The following APP variants were observed in gnomAD, a reference collection of about 807,000 sequenced individuals.
The protein encoded by APP is amyloid-beta precursor protein.
In APP, 31 loss-of-function variants were observed where a neutral mutation model predicts 101.4. That is an observed-to-expected ratio of 0.31 (90% confidence interval 0.23 to 0.41). APP has a LOEUF of 0.41. Among genes scored for constraint, APP ranks in the 10% least tolerant of loss-of-function variants. The probability of loss-of-function intolerance (pLI) is 1.00; values close to 1 mark genes in which losing one functional copy is unlikely to be tolerated. For synonymous variants in APP, 366 were observed against 364.4 expected (o/e 1.00, Z -0.05); for missense variants, 839 against 1,003.7 (o/e 0.84, Z 2.22).
chr21:26,105,479 T>C (rs1411364905), intron 2 of APP, among the ~76,000 whole-genome samples: 1 of 151,966 alleles, frequency 6.6e-6, no homozygotes, highest in Non-Finnish European at 1.5e-5. Flanking sequence ...TTGCCGTTCC[T>C]AGCAATGAAT....
chr21:25,965,565 T>A (rs1421230706), intron 11 of APP, among the ~76,000 whole-genome samples: 1 of 152,236 alleles, frequency 6.6e-6, no homozygotes, highest in Non-Finnish European at 1.5e-5. Context: ...AACATTTATA[T>A]AAGGAAACTC....
chr21:26,105,001 G>A (rs1416625363), intron 2 of APP, among the ~76,000 whole-genome samples: 3 of 137,410 alleles, frequency 2.2e-5, no homozygotes, highest in African/African-American at 8.3e-5. Context: ...CCACTATTGG[G>A]AGAAAAAAAA....
At chr21:25,973,487 A>G (rs1050426687) in intron 11 of APP, among the ~76,000 whole-genome samples, 11 of 152,256 alleles carry the variant, frequency 7.2e-5, no homozygotes. Context: ...AGATCATTTC[A>G]TAAGAAGAGG....
intron 8 of APP, among the ~76,000 whole-genome samples, chr21:25,991,885 T>G (rs1002726087): frequency 2.0e-5 from 3 of 152,208 alleles, no homozygotes; most frequent in Non-Finnish European, 4.4e-5. Flanking sequence ...TACCCTCTTT[T>G]GGCAAATAGC....
chr21:25,966,436 T>C (rs374305985), intron 11 of APP, among the ~76,000 whole-genome samples: 6 of 152,220 alleles, frequency 3.9e-5, no homozygotes, highest in Non-Finnish European at 8.8e-5. Context: ...AATTATTTAC[T>C]TTTCTGAAAG....
intron 3 of APP, among the ~76,000 whole-genome samples, chr21:26,060,089 C>T (rs578195202): frequency 2.7e-4 from 41 of 152,224 alleles, no homozygotes; most frequent in Non-Finnish European, 2.4e-4. Flanking sequence ...CAGTATCTAT[C>T]TCATCAACCA....
intron 1 of APP, among the ~76,000 whole-genome samples, chr21:26,157,139 G>A (rs994868348): frequency 5.9e-5 from 9 of 151,778 alleles, no homozygotes; most frequent in African/African-American, 1.9e-4. Flanking sequence ...GTATGATCTC[G>A]GCTCACTGCA....
intron 13 of APP, among the ~76,000 whole-genome samples, chr21:25,925,362 G>A (rs1024774878): frequency 1.3e-5 from 2 of 152,170 alleles, no homozygotes; most frequent in Non-Finnish European, 1.5e-5. Flanking sequence ...CCGCAAAATC[G>A]TGGGAGGCTG....
intron 3 of APP, among the ~76,000 whole-genome samples, chr21:26,062,469 C>G (rs983324855): frequency 1.3e-5 from 2 of 151,874 alleles, no homozygotes; most frequent in Admixed American, 1.3e-4. Context: ...TCGAGACCAG[C>G]CTGGCTAACA....
intron 5 of APP, 51 bp from the exon 6 acceptor site, chr21:26,022,093 G>A (rs143458527): frequency 6.3e-7 from 1 of 1,597,858 alleles, no homozygotes; most frequent in East Asian, 2.2e-5. Flanking sequence ...CACATTTCAG[G>A]GAAGGAAAAG....
intron 3 of APP, among the ~76,000 whole-genome samples, chr21:26,062,230 A>AACACACACAC (rs55971567): frequency 2.7e-4 from 39 of 145,148 alleles, no homozygotes; most frequent in South Asian, 6.8e-4. Flanking sequence ...CAAACAAACA[A>AACACACACAC]ACACACACAC....
chr21:26,019,586 G>A (rs937337651), intron 6 of APP, among the ~76,000 whole-genome samples: 1 of 152,202 alleles, frequency 6.6e-6, no homozygotes, highest in African/African-American at 2.4e-5. Flanking sequence ...TGGTCTGTGT[G>A]TGCTCATCAT....
intron 8 of APP, among the ~76,000 whole-genome samples, chr21:25,982,929 C>G (rs1433621062): frequency 8.8e-5 from 1 of 11,366 alleles, no homozygotes; most frequent in African/African-American, 3.8e-4. Flanking sequence ...ATAACGGCAC[C>G]CCAGGGAAAA....
At chr21:26,040,588 T>A (rs527378004) in intron 5 of APP, among the ~76,000 whole-genome samples, 1 of 136,294 alleles carries the variant, frequency 7.3e-6, no homozygotes, top group Admixed American at 7.7e-5. Flanking sequence ...GGCAACAGAG[T>A]GAGACTCCGT....
chr21:25,952,440 G>C (rs1342151305), intron 13 of APP, among the ~76,000 whole-genome samples: 1 of 150,454 alleles, frequency 6.6e-6, no homozygotes, highest in African/African-American at 2.4e-5. Flanking sequence ...TATCCTCCCT[G>C]GTACTGAGAT....
Position 26,092,849 on chromosome 21 carries a change from A to G in APP, c.226-2777T>C, listed in dbSNP as rs1368102544. 2.0e-5 allele frequency among the ~76,000 whole-genome samples: 3 copies of G among 152,308 alleles called. 1 individual carries two copies. The highest frequency in any genetic ancestry group is 4.1e-4 in the South Asian group (2 of 4,826). On this transcript the variant is annotated intron_variant, in intron 2 of 17. Coordinates refer to ENST00000346798, the MANE Select transcript of APP (RefSeq NM_000484.4). ...TGTGAATCTAAAACTGCTCTAAAAA[A>G]CCGTCTATTTTAAAAACAAAAATTT...
intron 13 of APP, among the ~76,000 whole-genome samples, chr21:25,918,199 A>T (rs2146342566): frequency 6.6e-6 from 1 of 152,372 alleles, no homozygotes; most frequent in East Asian, 1.9e-4. Flanking sequence ...AAGGATTATA[A>T]ATCATTCTAC....
chr21:26,164,901 G>T (rs932771997), intron 1 of APP, among the ~76,000 whole-genome samples: 4 of 136,016 alleles, frequency 2.9e-5, no homozygotes, highest in African/African-American at 8.0e-5. Flanking sequence ...TGGAAAAAAA[G>T]AAAAAAAAAA....
intron 13 of APP, among the ~76,000 whole-genome samples, chr21:25,929,326 A>C (rs1174127344): frequency 5.9e-5 from 9 of 152,232 alleles, no homozygotes; most frequent in African/African-American, 2.2e-4. Flanking sequence ...CATGCCAAAA[A>C]TGTAGAAAAA....
Sources: gnomAD v4.1 joint callset for allele counts (sites outside exome capture counted in the v4.1 genomes callset) on GRCh38, gnomAD v4.1.1 for gene constraint, MANE v1.5 for transcripts, NCBI Gene and HGNC (gene_info 2026-07-23, HGNC 2026-07-21) for gene names.